The following NAALADL2 variants were observed in gnomAD, a reference collection of about 807,000 sequenced individuals.
NAALADL2 encodes the protein inactive N-acetylated-alpha-linked acidic dipeptidase-like protein 2.
In NAALADL2, 76 loss-of-function variants were observed where a neutral mutation model predicts 87.2. The ratio of observed to expected loss-of-function variants is 0.87; its 90% CI spans 0.72 to 1.05. NAALADL2 has a LOEUF of 1.05. Among genes scored for constraint, NAALADL2 ranks in the 50% least tolerant of loss-of-function variants. The probability of loss-of-function intolerance (pLI) is 0.00; values close to 1 mark genes in which losing one functional copy is unlikely to be tolerated. For synonymous variants in NAALADL2, 354 were observed against 331.0 expected (o/e 1.07, Z -0.75); for missense variants, 1,089 against 945.8 (o/e 1.15, Z -1.99).
chr3:175,570,558 A>T (rs1181934031), intron 9 of NAALADL2, among the ~76,000 whole-genome samples: 3 of 152,188 alleles, frequency 2.0e-5, no homozygotes, highest in Non-Finnish European at 2.9e-5. Flanking sequence ...AATTGAACTT[A>T]CAAGACTATA....
At chr3:174,924,579 T>C (rs1735710010) in intron 1 of NAALADL2, among the ~76,000 whole-genome samples, 1 of 152,296 alleles carries the variant, frequency 6.6e-6, no homozygotes. Flanking sequence ...ATATACCCAG[T>C]TGTGGGATGA....
chr3:175,573,298 T>A (rs1718362100), intron 9 of NAALADL2, among the ~76,000 whole-genome samples: 1 of 152,222 alleles, frequency 6.6e-6, no homozygotes, highest in Non-Finnish European at 1.5e-5. Flanking sequence ...AAGACATACA[T>A]GTTACTTCAT....
chr3:175,340,099 TA>T (rs1314246229), intron 5 of NAALADL2, among the ~76,000 whole-genome samples: 2 of 152,198 alleles, frequency 1.3e-5, no homozygotes, highest in Non-Finnish European at 2.9e-5. Flanking sequence ...AGCCAAGAAC[TA>T]AACAGGATAG....
At chr3:174,630,225 G>T (rs1176064299) in intron 2 of NAALADL2, among the ~76,000 whole-genome samples, 1 of 151,632 alleles carries the variant, frequency 6.6e-6, no homozygotes, top group Non-Finnish European at 1.5e-5. Context: ...ATCATTTTTT[G>T]ACTTTCTTTG....
At chr3:175,423,388 G>A (rs1377027504) in intron 5 of NAALADL2, among the ~76,000 whole-genome samples, 1 of 151,090 alleles carries the variant, frequency 6.6e-6, no homozygotes, top group Non-Finnish European at 1.5e-5. Flanking sequence ...TTAACATTAG[G>A]TATATCTCCT....
intron 2 of NAALADL2, among the ~76,000 whole-genome samples, chr3:174,643,417 G>C (rs1400464889): frequency 6.6e-6 from 1 of 152,094 alleles, no homozygotes; most frequent in Non-Finnish European, 1.5e-5. Flanking sequence ...ACTTTGGGAG[G>C]CTGAAGCCAG....
intron 1 of NAALADL2, among the ~76,000 whole-genome samples, chr3:174,508,606 G>T (rs565963864): frequency 5.3e-5 from 8 of 152,290 alleles, no homozygotes; most frequent in African/African-American, 1.9e-4. Context: ...TAAACTGAAA[G>T]ACTCAGTTGT....
intron 11 of NAALADL2, among the ~76,000 whole-genome samples, chr3:175,654,021 G>A (rs1056723955): frequency 6.6e-6 from 1 of 152,092 alleles, no homozygotes; most frequent in African/African-American, 2.4e-5. Flanking sequence ...CAGAAAAAGG[G>A]TTTTTATTGT....
intron 9 of NAALADL2, among the ~76,000 whole-genome samples, chr3:175,484,603 G>A (rs1331070426): frequency 6.6e-6 from 1 of 152,044 alleles, no homozygotes; most frequent in Non-Finnish European, 1.5e-5. Context: ...ATTTTATAAT[G>A]TACCCAGTAA....
At chr3:174,902,185 T>A (rs1732397844) in intron 1 of NAALADL2, among the ~76,000 whole-genome samples, 1 of 152,144 alleles carries the variant, frequency 6.6e-6, no homozygotes, top group African/African-American at 2.4e-5. Flanking sequence ...TTTTGTCCCA[T>A]CTTTATCATA....
intron 9 of NAALADL2, among the ~76,000 whole-genome samples, chr3:175,568,548 G>A (rs1407974854): frequency 6.6e-6 from 1 of 152,170 alleles, no homozygotes; most frequent in African/African-American, 2.4e-5. Flanking sequence ...CATTTGAAGT[G>A]AAAAGTTCTG....
At position 174,859,575 on chromosome 3, in the gene NAALADL2, T is replaced by C. The variant is rs976889109; in HGVS notation, c.43+125T>C. 4.3e-6 allele frequency: 3 copies of C among 705,428 alleles called. No homozygotes were observed. The African/African-American group carries it at 5.4e-5, about 13-fold the overall frequency. The allele number at this position is 705,428 out of a possible 1,614,324, so 43.7% of individuals were successfully genotyped here. A position where few individuals can be genotyped will look rare whatever the true frequency, so the allele number is the denominator to read the frequency against. On this transcript the variant is annotated intron_variant, in intron 1 of 13. Transcript: ENST00000454872. ...TCCCTGCATGCATGTTCAGGTGCCC[T>C]GGCCCTGTTTTTAAGGTGTTTTCTG... is the stretch of plus-strand genomic sequence containing the variant.
At chr3:174,580,577 CAGGCAG>C (rs1486806004) in intron 2 of NAALADL2, among the ~76,000 whole-genome samples, 2 of 152,118 alleles carry the variant, frequency 1.3e-5, no homozygotes, top group Middle Eastern at 3.4e-3. Context: ...CTTTTGTTTC[CAGGCAG>C]CCATTAATCT....
At chr3:174,761,618 AT>A (rs1020497148) in intron 3 of NAALADL2, among the ~76,000 whole-genome samples, 1 of 152,070 alleles carries the variant, frequency 6.6e-6, no homozygotes, top group Non-Finnish European at 1.5e-5. Context: ...TTTAAGAAAA[AT>A]TTTTTTATTA....
At chr3:175,201,811 A>G (rs1391225393) in intron 2 of NAALADL2, among the ~76,000 whole-genome samples, 1 of 151,898 alleles carries the variant, frequency 6.6e-6, no homozygotes, top group Non-Finnish European at 1.5e-5. Context: ...AAAAAAACAA[A>G]TTTGCAAAAC....
At chr3:174,666,877 T>C (rs1444739927) in intron 2 of NAALADL2, among the ~76,000 whole-genome samples, 2 of 152,138 alleles carry the variant, frequency 1.3e-5, no homozygotes, top group Non-Finnish European at 2.9e-5. Context: ...CATTCTCCTT[T>C]TGTTTCTATG....
chr3:175,687,129 G>T (rs1433146273), intron 11 of NAALADL2, among the ~76,000 whole-genome samples: 1 of 152,050 alleles, frequency 6.6e-6, no homozygotes, highest in African/African-American at 2.4e-5. Context: ...TTCCTAAATG[G>T]TGTCTTAAAT....
chr3:174,683,563 T>C (rs1727753677), intron 2 of NAALADL2, among the ~76,000 whole-genome samples: 1 of 151,332 alleles, frequency 6.6e-6, no homozygotes, highest in Non-Finnish European at 1.5e-5. Flanking sequence ...ATAGTTGTTA[T>C]AGATAGATAG....
chr3:175,019,706 C>A (rs553921409), intron 1 of NAALADL2, among the ~76,000 whole-genome samples: 69 of 152,132 alleles, frequency 4.5e-4, no homozygotes, highest in Non-Finnish European at 8.4e-4. Context: ...AGTTGCTGAG[C>A]CTAACTACAT....
Sources: allele counts gnomAD v4.1 joint callset (sites outside exome capture counted in the v4.1 genomes callset), GRCh38; gene constraint gnomAD v4.1.1; transcripts MANE v1.5; gene names NCBI Gene and HGNC (gene_info 2026-07-23, HGNC 2026-07-21).